Variants in EGFLAM observed in about 807,000 individuals in gnomAD.
EGFLAM encodes the protein EGF like, fibronectin type III and laminin G domains, also known as pikachurin.
Under a neutral mutation model 113.1 loss-of-function variants are expected in EGFLAM, and 79 were observed. That is an observed-to-expected ratio of 0.70 (90% CI 0.58 to 0.84). The LOEUF is 0.84. Ranked by LOEUF, EGFLAM falls within the 40% of genes least tolerant of loss-of-function variation. The pLI, the probability that EGFLAM is intolerant of heterozygous loss-of-function variation, is 0.00. For missense variants in EGFLAM, 1,265 were observed against 1,291.6 expected, an observed-to-expected ratio of 0.98 and a Z score of 0.32; for synonymous variants, 504 against 487.6, an observed-to-expected ratio of 1.03 and a Z score of -0.44.
intron 11 of EGFLAM, among the ~76,000 whole-genome samples, chr5:38,417,343 G>C (rs574318425): frequency 1.4e-5 from 1 of 71,588 alleles, no homozygotes; most frequent in African/African-American, 6.2e-5. Context: ...GCGAGACTCT[G>C]TCTCAAAAAA....
chr5:38,377,019 C>T (rs56002416), intron 6 of EGFLAM, among the ~76,000 whole-genome samples: 18,879 of 152,076 alleles, frequency 0.12, 1,235 homozygotes, highest in Admixed American at 0.16. Context: ...TTCTCCATAG[C>T]ACTTTCACTG....
At chr5:38,457,768 G>C (rs1269499369) in intron 19 of EGFLAM, among the ~76,000 whole-genome samples, 1 of 152,030 alleles carries the variant, frequency 6.6e-6, no homozygotes, top group African/African-American at 2.4e-5. Context: ...TGATACTTTA[G>C]TACTGATGTT....
intron 15 of EGFLAM, among the ~76,000 whole-genome samples, chr5:38,432,003 T>C (rs745601629): frequency 6.6e-6 from 1 of 152,208 alleles, no homozygotes; most frequent in South Asian, 2.1e-4. Flanking sequence ...CTTTCCTCCA[T>C]GATTTTAATT....
intron 13 of EGFLAM, among the ~76,000 whole-genome samples, 186 bp from the exon 14 acceptor site, chr5:38,426,823 G>C (rs919349764): frequency 1.1e-4 from 16 of 152,068 alleles, no homozygotes; most frequent in African/African-American, 3.9e-4. Context: ...CCAGACTTAG[G>C]GTGCTCTATG....
intron 6 of EGFLAM, among the ~76,000 whole-genome samples, chr5:38,405,224 GT>G (rs1741245496): frequency 1.3e-5 from 2 of 151,852 alleles, no homozygotes; most frequent in Admixed American, 6.6e-5. Context: ...ATATTTACAG[GT>G]ACCCAGCACT....
At chr5:38,448,138 G>T in intron 17 of EGFLAM, 163 bp from the exon 18 acceptor site, 1 of 721,678 alleles carries the variant, frequency 1.4e-6, no homozygotes, top group Non-Finnish European at 2.3e-6. Context: ...ATGGGGTTGG[G>T]CAACTGTGAA....
chr5:38,298,846 G>A (rs945716520), intron 1 of EGFLAM, among the ~76,000 whole-genome samples: 19 of 151,870 alleles, frequency 1.3e-4, no homozygotes, highest in African/African-American at 2.9e-4. Flanking sequence ...GACCACAGGC[G>A]CACACCACCA....
intron 1 of EGFLAM, among the ~76,000 whole-genome samples, chr5:38,301,256 G>T (rs1022454862): frequency 2.0e-5 from 3 of 152,146 alleles, no homozygotes; most frequent in African/African-American, 7.2e-5. Context: ...AGGAAACCAG[G>T]AGAGGGTTTC....
chr5:38,294,962 A>T (rs1471183540), intron 1 of EGFLAM, among the ~76,000 whole-genome samples: 1 of 152,052 alleles, frequency 6.6e-6, no homozygotes, highest in Non-Finnish European at 1.5e-5. Context: ...AGTAGCTGGG[A>T]TTACAGGCAT....
rs797021726 is a variant in EGFLAM at position 38,399,277 on chromosome 5, G to GTTTTTTTTTTTTT, written c.713-6843_713-6831dup. 1.4e-4 allele frequency among the ~76,000 whole-genome samples: 16 copies of GTTTTTTTTTTTTT among 118,466 alleles called. 1 individual carries two copies. Among genetic ancestry groups the GTTTTTTTTTTTTT allele is most frequent in the South Asian group, 2.8e-4 (1 of 3,556 alleles). The allele number at this position is 118,466 out of a possible 152,430, so 77.7% of individuals were successfully genotyped here. A position where few individuals can be genotyped will look rare whatever the true frequency, so the allele number is the denominator to read the frequency against. ...CAGGTTCTTTTTTATTTTTGTTTTCGTTTTTTTTTTTTTTTTTTGAGATGG... is the reference window on the plus strand; with the variant it reads ...CAGGTTCTTTTTTATTTTTGTTTTCGTTTTTTTTTTTTTTTTTTTTTTTTTTTTTTTGAGATGG... On this transcript the variant is annotated intron_variant, in intron 6 of 21. Coordinates refer to ENST00000322350, the MANE Select transcript of EGFLAM (RefSeq NM_152403.4).
At chr5:38,330,348 C>T (rs193295319) in intron 1 of EGFLAM, among the ~76,000 whole-genome samples, 1 of 152,294 alleles carries the variant, frequency 6.6e-6, no homozygotes, top group African/African-American at 2.4e-5. Flanking sequence ...AACATGAGAA[C>T]TCATCATTCC....
intron 1 of EGFLAM, among the ~76,000 whole-genome samples, chr5:38,280,663 G>A (rs960777173): frequency 7.9e-5 from 12 of 152,114 alleles, no homozygotes; most frequent in Admixed American, 2.6e-4. Flanking sequence ...TGTCTTATTG[G>A]TTCTGGTCTC....
intron 9 of EGFLAM, among the ~76,000 whole-genome samples, chr5:38,408,623 G>A (rs185698206): frequency 2.0e-5 from 3 of 152,294 alleles, no homozygotes; most frequent in East Asian, 1.9e-4. Flanking sequence ...TCCCCAGGGG[G>A]AGGGAAATAG....
chr5:38,409,211 G>A (rs1379300886), intron 10 of EGFLAM, 107 bp downstream of exon 10: 1 of 848,368 alleles, frequency 1.2e-6, no homozygotes, highest in African/African-American at 1.7e-5. Flanking sequence ...TCTAGTAGAT[G>A]AAAGAATGGT....
At chr5:38,276,191 C>T (rs1757879441) in intron 1 of EGFLAM, among the ~76,000 whole-genome samples, 1 of 152,040 alleles carries the variant, frequency 6.6e-6, no homozygotes, top group Non-Finnish European at 1.5e-5. Flanking sequence ...CTTTTTAAAA[C>T]CATCAGATCT....
chr5:38,418,345 AACATTAGGTGCT>A, intron 12 of EGFLAM, 90 bp downstream of exon 12: 1 of 1,464,930 alleles, frequency 6.8e-7, no homozygotes, highest in South Asian at 1.3e-5. Flanking sequence ...AGGGAGCAGC[AACATTAGGTGCT>A]ACCCTGGGAA....
chr5:38,346,249 C>T (rs1012565311), intron 3 of EGFLAM, among the ~76,000 whole-genome samples: 4 of 152,192 alleles, frequency 2.6e-5, no homozygotes, highest in Non-Finnish European at 5.9e-5. Context: ...AATACGTTAA[C>T]TTCCATGGTC....
At chr5:38,332,525 G>A (rs759701352) in intron 1 of EGFLAM, among the ~76,000 whole-genome samples, 43 of 152,130 alleles carry the variant, frequency 2.8e-4, no homozygotes, top group African/African-American at 9.2e-4. Flanking sequence ...TTAAATACAC[G>A]CACACAGAAG....
intron 1 of EGFLAM, among the ~76,000 whole-genome samples, chr5:38,272,970 G>T (rs747816938): frequency 3.3e-5 from 5 of 151,872 alleles, no homozygotes; most frequent in Non-Finnish European, 5.9e-5. Context: ...GGACTCTCCA[G>T]CAATCATTCC....
Sources: allele counts gnomAD v4.1 joint callset (sites outside exome capture counted in the v4.1 genomes callset), GRCh38; gene constraint gnomAD v4.1.1; transcripts MANE v1.5; gene names NCBI Gene and HGNC (gene_info 2026-07-23, HGNC 2026-07-21).